Variants in PKIA observed in about 807,000 individuals in gnomAD.
The protein encoded by PKIA is PKI-alpha.
PKIA carries 4 observed loss-of-function variants against 7.6 expected under a neutral mutation model. The ratio of observed to expected loss-of-function variants is 0.52; its 90% CI spans 0.26 to 1.20. The LOEUF (loss-of-function observed/expected upper bound fraction) is 1.20. Ranked by LOEUF, PKIA falls within the 50% of genes most tolerant of loss-of-function variation. The pLI, the probability that PKIA is intolerant of heterozygous loss-of-function variation, is 0.13. For synonymous variants in PKIA, 21 were observed against 30.7 expected (o/e 0.68, Z 1.04); for missense variants, 73 against 86.2 (o/e 0.85, Z 0.61).
At chr8:78,569,648 A>G (rs899507607) in intron 1 of PKIA, among the ~76,000 whole-genome samples, 1 of 152,202 alleles carries the variant, frequency 6.6e-6, no homozygotes, top group African/African-American at 2.4e-5. Flanking sequence ...AAATGAAAAA[A>G]AATTATAGTC....
chr8:78,565,574 C>T (rs1286152590), intron 1 of PKIA, among the ~76,000 whole-genome samples: 1 of 151,854 alleles, frequency 6.6e-6, no homozygotes, highest in Non-Finnish European at 1.5e-5. Context: ...GTTAGAAGCT[C>T]CTAAATTATT....
intron 1 of PKIA, among the ~76,000 whole-genome samples, chr8:78,529,874 G>A (rs1806351207): frequency 7.6e-6 from 1 of 132,016 alleles, no homozygotes; most frequent in East Asian, 2.2e-4. Flanking sequence ...AAGAAGCAGA[G>A]AGTCAGTGAG....
chr8:78,548,460 A>T (rs1182438758), intron 1 of PKIA, among the ~76,000 whole-genome samples: 3 of 152,130 alleles, frequency 2.0e-5, no homozygotes, highest in African/African-American at 4.8e-5. Context: ...ATCTTTGCAT[A>T]CCTAGCTCTT....
At chr8:78,582,462 G>A (rs1563588651) in intron 2 of PKIA, among the ~76,000 whole-genome samples, 1 of 151,876 alleles carries the variant, frequency 6.6e-6, no homozygotes, top group South Asian at 2.1e-4. Context: ...GAACAGCATG[G>A]GGGGAACCAA....
At chr8:78,548,080 A>G (rs2118452675) in intron 1 of PKIA, among the ~76,000 whole-genome samples, 1 of 152,250 alleles carries the variant, frequency 6.6e-6, no homozygotes, top group East Asian at 1.9e-4. Flanking sequence ...TTTAAAAAAT[A>G]TTAGAATAAC....
At chr8:78,590,284 A>T (rs1018715793) in intron 2 of PKIA, among the ~76,000 whole-genome samples, 2 of 108,444 alleles carry the variant, frequency 1.8e-5, no homozygotes, top group East Asian at 2.4e-4. Context: ...TCTGATAGTT[A>T]AAAAAAAAAA....
intron 3 of PKIA, 26 bp downstream of exon 3, chr8:78,598,561 T>C: frequency 3.8e-6 from 6 of 1,582,690 alleles, no homozygotes; most frequent in Non-Finnish European, 5.2e-6. Context: ...CACATTTCTC[T>C]ATGAGCATGG....
chr8:78,585,518 A>G (rs760090155), intron 2 of PKIA, among the ~76,000 whole-genome samples: 11 of 152,188 alleles, frequency 7.2e-5, no homozygotes, highest in Admixed American at 3.3e-4. Flanking sequence ...TGTAATAGCA[A>G]TGAAAAACAT....
At chr8:78,556,845 T>C (rs563060424) in intron 1 of PKIA, among the ~76,000 whole-genome samples, 6 of 152,264 alleles carry the variant, frequency 3.9e-5, no homozygotes, top group African/African-American at 1.4e-4. Context: ...TTTCATAAAC[T>C]AGAAGATAAT....
At chr8:78,584,312 G>T (rs1300386248) in intron 2 of PKIA, among the ~76,000 whole-genome samples, 2 of 151,970 alleles carry the variant, frequency 1.3e-5, no homozygotes, top group Non-Finnish European at 2.9e-5. Flanking sequence ...AGTCACCCTA[G>T]GTGATTTATA....
intron 1 of PKIA, among the ~76,000 whole-genome samples, chr8:78,551,782 AG>A (rs1806990084): frequency 6.6e-6 from 1 of 151,994 alleles, no homozygotes; most frequent in Admixed American, 6.6e-5. Context: ...GATGGAAGTT[AG>A]TGGGGCTCTT....
chr8:78,532,471 C>T (rs1364081627), intron 1 of PKIA, among the ~76,000 whole-genome samples: 2 of 148,880 alleles, frequency 1.3e-5, no homozygotes, highest in Non-Finnish European at 3.0e-5. Context: ...GATTGTGCCA[C>T]TGCACTCCAG....
intron 1 of PKIA, among the ~76,000 whole-genome samples, chr8:78,522,580 TTCTC>T (rs1273394617): frequency 6.6e-6 from 1 of 151,916 alleles, no homozygotes; most frequent in Non-Finnish European, 1.5e-5. Flanking sequence ...CAAAGAAATA[TTCTC>T]TCTTTTTTCA....
At chr8:78,516,638 T>C (rs1396085234) in intron 1 of PKIA, among the ~76,000 whole-genome samples, 170 bp downstream of exon 1, 3 of 152,202 alleles carry the variant, frequency 2.0e-5, no homozygotes, top group African/African-American at 7.2e-5. Flanking sequence ...GTGCAGAGGT[T>C]GGAGGAGCAG....
chr8:78,569,329 A>G (rs1807494724), intron 1 of PKIA, among the ~76,000 whole-genome samples: 1 of 152,146 alleles, frequency 6.6e-6, no homozygotes, highest in Non-Finnish European at 1.5e-5. Flanking sequence ...AGGCAACAAC[A>G]TGGTATGAGT....
chr8:78,589,294 A>G (rs2130243995), intron 2 of PKIA, among the ~76,000 whole-genome samples: 1 of 152,320 alleles, frequency 6.6e-6, no homozygotes, highest in South Asian at 2.1e-4. Context: ...GAAAGAAAGA[A>G]ATTGTTTTTA....
At chr8:78,527,401 T>C (rs1806271582) in intron 1 of PKIA, among the ~76,000 whole-genome samples, 1 of 152,018 alleles carries the variant, frequency 6.6e-6, no homozygotes, top group African/African-American at 2.4e-5. Flanking sequence ...TATGTATGTA[T>C]TCATTAATAT....
At chr8:78,517,867 T>C (rs1232291839) in intron 1 of PKIA, among the ~76,000 whole-genome samples, 4 of 152,186 alleles carry the variant, frequency 2.6e-5, no homozygotes, top group Non-Finnish European at 4.4e-5. Flanking sequence ...TGTGTGCCAA[T>C]GTTCTATTTA....
rs772613575 is a variant in PKIA, at chr8:78,602,457, G to T, written c.*636G>T. 1 of 152,260 alleles carries T rather than the reference G, an allele frequency of 6.6e-6. No individual in the cohort carries two copies. Among genetic ancestry groups the T allele is most frequent in the Admixed American group, 6.6e-5 (1 of 15,188 alleles). 9.4% of individuals were successfully genotyped at this position (152,260 alleles called of 1,614,324 possible). A position where few individuals can be genotyped will look rare whatever the true frequency, so the allele number is the denominator to read the frequency against. ...CATTTTAGTTTTCCATACTGTGGTG[G>T]TGTACACAGGATAGAACACCCTTTT... is the stretch of plus-strand genomic sequence containing the variant. On this transcript the variant is annotated 3_prime_UTR_variant, in exon 4 of 4. Coordinates refer to ENST00000396418, the MANE Select transcript of PKIA (RefSeq NM_006823.4).
Sources: gnomAD v4.1 joint callset for allele counts (sites outside exome capture counted in the v4.1 genomes callset) on GRCh38, gnomAD v4.1.1 for gene constraint, MANE v1.5 for transcripts, NCBI Gene and HGNC (gene_info 2026-07-23, HGNC 2026-07-21) for gene names.